The following COL22A1 variants were observed in gnomAD, a reference collection of about 807,000 sequenced individuals.
The protein encoded by COL22A1 is collagen type XXII alpha 1 chain.
In COL22A1, 221 loss-of-function variants were observed where a neutral mutation model predicts 248.9. The observed-to-expected ratio is 0.89, with a 90% CI of 0.80 to 0.99. The LOEUF (loss-of-function observed/expected upper bound fraction) is 0.99, where lower values mean the gene tolerates loss of function less well. COL22A1 is among the 50% of genes least tolerant of loss of function. The pLI is 0.00. For synonymous variants in COL22A1, 891 were observed against 793.4 expected (o/e 1.12, Z -2.07); for missense variants, 2,240 against 2,179.0 (o/e 1.03, Z -0.56).
intron 50 of COL22A1, among the ~76,000 whole-genome samples, chr8:138,627,529 C>T (rs1820341605): frequency 6.6e-6 from 1 of 152,208 alleles, no homozygotes; most frequent in African/African-American, 2.4e-5. Context: ...CAGGAAAGAA[C>T]TCCACCTCTG....
chr8:138,892,069 ATGTTCATGAGAGTT>A (rs1477134399), intron 1 of COL22A1, among the ~76,000 whole-genome samples: 1 of 152,160 alleles, frequency 6.6e-6, no homozygotes, highest in Non-Finnish European at 1.5e-5. Flanking sequence ...CTTGACATCT[ATGTTCATGAGAGTT>A]ACTGGTCTGT....
chr8:138,764,212 A>G (rs1185093372), intron 16 of COL22A1, among the ~76,000 whole-genome samples: 2 of 152,064 alleles, frequency 1.3e-5, no homozygotes, highest in Non-Finnish European at 2.9e-5. Context: ...GATTCTATTC[A>G]CTGCCGCTCC....
intron 10 of COL22A1, among the ~76,000 whole-genome samples, chr8:138,806,733 C>T (rs1036397384): frequency 6.6e-6 from 1 of 152,192 alleles, no homozygotes; most frequent in Non-Finnish European, 1.5e-5. Context: ...GGCACTGGAA[C>T]GGTAATCCTT....
At position 138,823,172 on chromosome 8, in the gene COL22A1, A is replaced by T. The variant is rs201583238; in HGVS notation, c.970-1761T>A. ...GACCAATAGTAGTGCCTATTTGTGAAGAGGATCATATAAATTGATCCACGA... is the reference window on the plus strand; with the variant it reads ...GACCAATAGTAGTGCCTATTTGTGATGAGGATCATATAAATTGATCCACGA... On this transcript the variant is annotated intron_variant, in intron 6 of 64. Coordinates refer to ENST00000303045, the MANE Select transcript of COL22A1 (RefSeq NM_152888.3). Among the ~76,000 whole-genome samples, 33 of 152,338 alleles carry T rather than the reference A, an allele frequency of 2.2e-4. No homozygotes were observed. The East Asian group carries it at 5.4e-3, about 25-fold the overall frequency.
Position 138,732,211 on chromosome 8 carries a change from G to A in COL22A1, c.2139+5313C>T, listed in dbSNP as rs183716282. ...TACACATTATTGTCCTTTTATAGAT[G>A]AGAATATTAGAGTTTCCAGTCTTTC... On this transcript the variant is annotated intron_variant, in intron 23 of 64. Coordinates refer to ENST00000303045, the MANE Select transcript of COL22A1 (RefSeq NM_152888.3). Among the ~76,000 whole-genome samples the A allele has an allele frequency of 4.9e-4, 74 of 152,286 alleles. 1 individual carries two copies. In the East Asian group the frequency reaches 0.012, roughly 25 times the overall value.
chr8:138,885,548 CA>C (rs1378363384), intron 1 of COL22A1, among the ~76,000 whole-genome samples: 1 of 152,024 alleles, frequency 6.6e-6, no homozygotes, highest in Non-Finnish European at 1.5e-5. Context: ...CTATATTCAC[CA>C]AATGCCAACG....
intron 1 of COL22A1, among the ~76,000 whole-genome samples, chr8:138,884,156 T>A (rs1041505928): frequency 6.6e-6 from 1 of 152,190 alleles, no homozygotes; most frequent in Non-Finnish European, 1.5e-5. Context: ...ATGCTCCCCT[T>A]CTGGAAAATT....
Position 138,714,609 on chromosome 8 carries a change from G to A in COL22A1, c.2517+1073C>T, listed in dbSNP as rs142238687. ...CTGGAGGGTATGGCCACATCCCATC[G>A]GCTTCCCTAAGCACTGTCCACAACC... is the stretch of plus-strand genomic sequence containing the variant. On this transcript the variant is annotated intron_variant, in intron 30 of 64. Transcript: ENST00000303045. Among the ~76,000 whole-genome samples the A allele has an allele frequency of 6.4e-3, 967 of 152,148 alleles. 9 individuals carry two copies. The highest frequency in any genetic ancestry group is 0.021 in the African/African-American group (874 of 41,488).
intron 51 of COL22A1, 38 bp downstream of exon 51, chr8:138,626,151 GT>G (rs1820218309): frequency 2.7e-5 from 41 of 1,502,216 alleles, no homozygotes; most frequent in Non-Finnish European, 3.6e-5. Flanking sequence ...AGAGAAACTA[GT>G]TTGTTTTTGT....
chr8:138,870,589 G>A (rs527660805), intron 3 of COL22A1, among the ~76,000 whole-genome samples: 1 of 151,874 alleles, frequency 6.6e-6, no homozygotes, highest in South Asian at 2.1e-4. Context: ...AATGGTGTTT[G>A]TGCATGTGTT....
intron 23 of COL22A1, among the ~76,000 whole-genome samples, chr8:138,735,615 T>G (rs1831048301): frequency 6.6e-6 from 1 of 152,206 alleles, no homozygotes; most frequent in East Asian, 1.9e-4. Context: ...TGAAGCAAGG[T>G]AATAAAACAT....
At chr8:138,811,214 GA>G (rs11286878) in intron 9 of COL22A1, among the ~76,000 whole-genome samples, 70,933 of 151,350 alleles carry the variant, frequency 0.47, 17,008 homozygotes, top group Middle Eastern at 0.56. Context: ...GGTGTTCACA[GA>G]AATGCACCAC....
At chr8:138,628,063 T>G (rs554844128) in intron 50 of COL22A1, among the ~76,000 whole-genome samples, 1 of 152,254 alleles carries the variant, frequency 6.6e-6, no homozygotes, top group Admixed American at 6.5e-5. Flanking sequence ...ATACATATGT[T>G]GTTATATTTT....
chr8:138,612,521 C>T (rs73448902), intron 56 of COL22A1, among the ~76,000 whole-genome samples: 18,444 of 152,106 alleles, frequency 0.12, 1,705 homozygotes, highest in African/African-American at 0.26. Context: ...TTCAGTTCCT[C>T]TGAATGTGAC....
In COL22A1 at chr8:138,679,667, C is replaced by T. The variant is rs147847724; in HGVS notation, c.3022G>A (p.Gly1008Arg). 140 of 1,613,892 alleles carry T rather than the reference C, an allele frequency of 8.7e-5. No homozygotes were observed. The highest frequency in any genetic ancestry group is 3.3e-4 in the African/African-American group (25 of 75,012). The change falls in exon 40 of 65, where the codon GGA becomes AGA. Residue 1008 changes from glycine (G) to arginine (R), a missense_variant. Gly to Arg is a moderately radical substitution (Grantham distance 125). Coordinates refer to ENST00000303045, the MANE Select transcript of COL22A1 (RefSeq NM_152888.3). Reference sequence around the variant, plus strand: ...CAGTTTTCTGACCCTCTGACTTTTCCGCAAGCAGCCTGAAAGTAGAAAATC... The same window carrying T: ...CAGTTTTCTGACCCTCTGACTTTTCTGCAAGCAGCCTGAAAGTAGAAAATC... ...PGPLGTKAAC[G>R]KVRGSENCAL...
chr8:138,783,365 C>T (rs1192283016), intron 12 of COL22A1, among the ~76,000 whole-genome samples: 1 of 151,978 alleles, frequency 6.6e-6, no homozygotes, highest in Non-Finnish European at 1.5e-5. Flanking sequence ...AGGCCATCTG[C>T]AGGCTGAGAA....
intron 21 of COL22A1, among the ~76,000 whole-genome samples, chr8:138,752,392 C>T (rs1017495655): frequency 1.3e-5 from 2 of 152,200 alleles, no homozygotes; most frequent in South Asian, 2.1e-4. Flanking sequence ...CTAAATTTTG[C>T]GTAACTGTAC....
chr8:138,621,110 G>A (rs1255604388), intron 52 of COL22A1, among the ~76,000 whole-genome samples: 1 of 152,184 alleles, frequency 6.6e-6, no homozygotes, highest in African/African-American at 2.4e-5. Flanking sequence ...TTGAAGAGGG[G>A]CCACCTAGTA....
At chr8:138,725,056 C>T (rs749922077) in intron 24 of COL22A1, among the ~76,000 whole-genome samples, 3 of 152,166 alleles carry the variant, frequency 2.0e-5, no homozygotes, top group Non-Finnish European at 2.9e-5. Flanking sequence ...AATGCTTGCC[C>T]GGGTCCTCTG....
Sources: allele counts gnomAD v4.1 joint callset (sites outside exome capture counted in the v4.1 genomes callset), GRCh38; gene constraint gnomAD v4.1.1; transcripts MANE v1.5; gene names NCBI Gene and HGNC (gene_info 2026-07-23, HGNC 2026-07-21).